Variants in CTNNA2 observed in about 807,000 individuals in gnomAD.
CTNNA2 encodes the protein catenin alpha 2.
In CTNNA2, 42 loss-of-function variants were observed where a neutral mutation model predicts 101.0. That is an observed-to-expected ratio of 0.42 (90% CI 0.32 to 0.54). The LOEUF (loss-of-function observed/expected upper bound fraction) is 0.54. CTNNA2 is among the 20% of genes least tolerant of loss of function. The pLI, the probability that CTNNA2 is intolerant of heterozygous loss-of-function variation, is 0.14. For synonymous variants in CTNNA2, 450 were observed against 456.4 expected, an observed-to-expected ratio of 0.99 and a Z score of 0.18; for missense variants, 871 against 1,223.1, an observed-to-expected ratio of 0.71 and a Z score of 4.29.
At chr2:80,264,759 G>A (rs993487679) in intron 7 of CTNNA2, among the ~76,000 whole-genome samples, 16 of 152,122 alleles carry the variant, frequency 1.1e-4, no homozygotes, top group Non-Finnish European at 2.2e-4. Context: ...AGAAAGGATC[G>A]AGGTGGTGAT....
At chr2:79,207,333 T>C (rs1674112093) in intron 2 of CTNNA2, among the ~76,000 whole-genome samples, 1 of 152,094 alleles carries the variant, frequency 6.6e-6, no homozygotes, top group African/African-American at 2.4e-5. Context: ...GGTAGTCCAG[T>C]AGGAGACCAC....
intron 15 of CTNNA2, among the ~76,000 whole-genome samples, chr2:80,598,766 A>G (rs1424807167): frequency 1.3e-5 from 2 of 152,214 alleles, no homozygotes; most frequent in East Asian, 3.8e-4. Context: ...AGTGAAAAAC[A>G]GTTATCTCAA....
intron 7 of CTNNA2, among the ~76,000 whole-genome samples, chr2:80,248,938 T>C (rs1309941657): frequency 1.3e-5 from 2 of 152,190 alleles, no homozygotes; most frequent in African/African-American, 2.4e-5. Context: ...TATTGTTTGA[T>C]AAAAGTGGAA....
intron 7 of CTNNA2, among the ~76,000 whole-genome samples, chr2:79,961,650 G>C (rs181810181): frequency 1.3e-5 from 2 of 151,898 alleles, no homozygotes; most frequent in East Asian, 3.9e-4. Context: ...GTGAAACCCC[G>C]TCTCTACTAA....
intron 7 of CTNNA2, among the ~76,000 whole-genome samples, chr2:80,211,744 A>G (rs1018210071): frequency 2.0e-5 from 3 of 152,086 alleles, no homozygotes; most frequent in Admixed American, 1.3e-4. Context: ...TTTTTTTCCA[A>G]TTCTGTGAAG....
intron 4 of CTNNA2, among the ~76,000 whole-genome samples, chr2:79,443,943 G>A (rs1329788196): frequency 8.4e-6 from 1 of 119,440 alleles, no homozygotes; most frequent in Non-Finnish European, 1.7e-5. Context: ...TCTCTCTCTG[G>A]CCTTCTCACA....
intron 7 of CTNNA2, among the ~76,000 whole-genome samples, chr2:80,019,089 G>C (rs1203579050): frequency 6.6e-6 from 1 of 152,140 alleles, no homozygotes; most frequent in East Asian, 1.9e-4. Context: ...TATTATAAGT[G>C]ACCTAGAAAT....
intron 9 of CTNNA2, among the ~76,000 whole-genome samples, chr2:80,434,349 A>G (rs982642318): frequency 6.6e-6 from 1 of 152,152 alleles, no homozygotes; most frequent in Non-Finnish European, 1.5e-5. Flanking sequence ...AACTTAATGT[A>G]CTTGTAGCTA....
intron 7 of CTNNA2, among the ~76,000 whole-genome samples, chr2:80,337,119 G>A (rs902129349): frequency 8.5e-5 from 13 of 152,136 alleles, no homozygotes; most frequent in African/African-American, 3.1e-4. Context: ...ACTTTGGGAG[G>A]CCGAGGTGGG....
chr2:80,303,061 G>T lies in CTNNA2; in HGVS notation c.1057-90150G>T. On this transcript the variant is annotated intron_variant, in intron 7 of 18. Coordinates refer to ENST00000402739, the MANE Select transcript of CTNNA2 (RefSeq NM_001282597.3). The surrounding 1 kb of genome is among the most constrained non-coding windows in gnomAD (Gnocchi z 7.7). ...CCATTTTCTCCAGGTTCCAAACCCA[G>T]TCCAGCGAGCTGACCACAATGGCCA... 1 of 1,613,998 alleles carries T rather than the reference G, an allele frequency of 6.2e-7. No homozygotes were observed. Among genetic ancestry groups the T allele is most frequent in the Non-Finnish European group, 8.5e-7 (1 of 1,180,026 alleles).
intron 6 of CTNNA2, among the ~76,000 whole-genome samples, chr2:79,877,261 T>A (rs2104086667): frequency 6.6e-6 from 1 of 152,246 alleles, no homozygotes; most frequent in African/African-American, 2.4e-5. Flanking sequence ...TTTGAAACAA[T>A]AATTCCATTT....
intron 2 of CTNNA2, among the ~76,000 whole-genome samples, chr2:79,303,971 G>A (rs1002343845): frequency 1.3e-5 from 2 of 152,112 alleles, no homozygotes; most frequent in Admixed American, 6.5e-5. Flanking sequence ...ATTCTAACTG[G>A]TGGATTTACA....
chr2:79,812,535 A>T (rs1009728703), intron 3 of CTNNA2, among the ~76,000 whole-genome samples: 31 of 152,192 alleles, frequency 2.0e-4, no homozygotes, highest in African/African-American at 7.0e-4. Context: ...TCCCATAAAG[A>T]TTTCATGGTC....
At chr2:80,461,861 G>C (rs1394429814) in intron 9 of CTNNA2, among the ~76,000 whole-genome samples, 3 of 152,122 alleles carry the variant, frequency 2.0e-5, no homozygotes, top group Non-Finnish European at 4.4e-5. Flanking sequence ...GATAATCAAA[G>C]ATATATGCCC....
chr2:79,479,340 G>A (rs920593999), intron 4 of CTNNA2, among the ~76,000 whole-genome samples: 14 of 152,124 alleles, frequency 9.2e-5, no homozygotes, highest in Admixed American at 6.5e-4. Flanking sequence ...CAATGCACCC[G>A]CTAACCCTCT....
At chr2:79,966,819 C>A (rs1690098179) in intron 7 of CTNNA2, among the ~76,000 whole-genome samples, 2 of 151,914 alleles carry the variant, frequency 1.3e-5, no homozygotes, top group African/African-American at 4.8e-5. Flanking sequence ...TTTTTTTATT[C>A]TATTATTTCC....
intron 7 of CTNNA2, among the ~76,000 whole-genome samples, chr2:80,291,619 C>T (rs1265448697): frequency 1.3e-5 from 2 of 152,128 alleles, no homozygotes; most frequent in Non-Finnish European, 2.9e-5. Context: ...GTCCCAGGGG[C>T]CAGTATGATT....
intron 9 of CTNNA2, among the ~76,000 whole-genome samples, chr2:80,466,199 G>A (rs1321752587): frequency 6.6e-6 from 1 of 152,162 alleles, no homozygotes; most frequent in Non-Finnish European, 1.5e-5. Context: ...ATAGAAATCT[G>A]AATCCTGCTG....
At chr2:80,062,112 A>G (rs1697636380) in intron 7 of CTNNA2, among the ~76,000 whole-genome samples, 1 of 152,242 alleles carries the variant, frequency 6.6e-6, no homozygotes, top group African/African-American at 2.4e-5. Context: ...CAAGATAAGC[A>G]TCAGTTTGGG....
Sources: allele counts gnomAD v4.1 joint callset (sites outside exome capture counted in the v4.1 genomes callset), GRCh38; gene constraint gnomAD v4.1.1; non-coding constraint Gnocchi (gnomAD v3.1); transcripts MANE v1.5; gene names NCBI Gene and HGNC (gene_info 2026-07-23, HGNC 2026-07-21).